Variants in TMEM108 observed in about 807,000 individuals in gnomAD.
The protein encoded by TMEM108 is transmembrane protein 108.
In TMEM108, 12 loss-of-function variants were observed where a neutral mutation model predicts 35.1. The observed-to-expected ratio is 0.34, with a 90% confidence interval of 0.22 to 0.55. The LOEUF (loss-of-function observed/expected upper bound fraction) is 0.55. TMEM108 is among the 20% of genes least tolerant of loss of function. TMEM108 has a pLI of 0.89. For missense variants in TMEM108, 680 were observed against 753.3 expected (o/e 0.90, Z 1.14); for synonymous variants, 287 against 308.6 (o/e 0.93, Z 0.73).
intron 3 of TMEM108, among the ~76,000 whole-genome samples, chr3:133,309,463 A>G (rs898277014): frequency 4.6e-5 from 7 of 151,976 alleles, no homozygotes; most frequent in African/African-American, 1.2e-4. Flanking sequence ...TAGGGTGTCA[A>G]TTTTAGATCT....
chr3:133,097,983 G>C (rs369460354), intron 2 of TMEM108, among the ~76,000 whole-genome samples: 1 of 152,166 alleles, frequency 6.6e-6, no homozygotes, highest in Non-Finnish European at 1.5e-5. Context: ...CTTGTGAGGC[G>C]GTATTACAAA....
At chr3:133,180,540 C>G (rs1185454307) in intron 2 of TMEM108, among the ~76,000 whole-genome samples, 2 of 151,932 alleles carry the variant, frequency 1.3e-5, no homozygotes, top group Non-Finnish European at 2.9e-5. Context: ...AAGCAAATAG[C>G]TTTTCTTTTG....
chr3:133,169,060 C>T (rs770337215), intron 2 of TMEM108, among the ~76,000 whole-genome samples: 5 of 152,180 alleles, frequency 3.3e-5, no homozygotes, highest in Non-Finnish European at 7.3e-5. Flanking sequence ...TAACACTCAC[C>T]GTGAGGGTCT....
intron 3 of TMEM108, among the ~76,000 whole-genome samples, chr3:133,314,391 C>G (rs1358953901): frequency 6.6e-6 from 1 of 152,116 alleles, no homozygotes; most frequent in Admixed American, 6.6e-5. Flanking sequence ...GGATCAGTTG[C>G]CTTCAAAAGC....
At chr3:133,221,817 C>A (rs1014766048) in intron 2 of TMEM108, among the ~76,000 whole-genome samples, 1 of 151,794 alleles carries the variant, frequency 6.6e-6, no homozygotes, top group Non-Finnish European at 1.5e-5. Flanking sequence ...CAATTTTACT[C>A]CACTTCCCTA....
Position 133,380,872 on chromosome 3 carries a change from C to G in TMEM108, c.1161C>G (p.Thr387=), listed in dbSNP as rs1284420499. ...CATCCACAACCCCACAAGCTCCAACCCATCCCTCCAGGGTCTCAGAAAGCA... is the reference window on the plus strand; with the variant it reads ...CATCCACAACCCCACAAGCTCCAACGCATCCCTCCAGGGTCTCAGAAAGCA... ...QGASTTPQAP[T]HPSRVSESTI... The change falls in exon 4 of 6, where the codon ACC becomes ACG. Residue 387 remains threonine (T), a synonymous_variant. Coordinates refer to ENST00000321871, the MANE Select transcript of TMEM108 (RefSeq NM_023943.4). This position sits in a 1 kb window ranked among gnomAD's most constrained non-coding sequence, Gnocchi z 5.3. The G allele has an allele frequency of 6.2e-7, 1 of 1,614,098 alleles. No homozygotes were observed. The highest frequency in any genetic ancestry group is 1.3e-5 in the African/African-American group (1 of 74,948).
At chr3:133,181,634 A>G (rs908969250) in intron 2 of TMEM108, among the ~76,000 whole-genome samples, 1 of 152,180 alleles carries the variant, frequency 6.6e-6, no homozygotes, top group Admixed American at 6.5e-5. Context: ...TTTAAATGGA[A>G]CATATGGGGG....
At chr3:133,064,662 T>C (rs1943574244) in intron 2 of TMEM108, among the ~76,000 whole-genome samples, 3 of 152,010 alleles carry the variant, frequency 2.0e-5, no homozygotes, top group Admixed American at 2.0e-4. Context: ...TTTCAAAACA[T>C]AGTGAAGGAC....
At chr3:133,214,754 A>G (rs540554704) in intron 2 of TMEM108, among the ~76,000 whole-genome samples, 93 of 152,312 alleles carry the variant, frequency 6.1e-4, no homozygotes, top group African/African-American at 2.0e-3. Flanking sequence ...GGTGAGCTGC[A>G]GGTGAGGGAG....
At chr3:133,165,819 CAT>C (rs1945028857) in intron 2 of TMEM108, among the ~76,000 whole-genome samples, 1 of 152,198 alleles carries the variant, frequency 6.6e-6, no homozygotes, top group Non-Finnish European at 1.5e-5. Context: ...GGTCCTAACA[CAT>C]GTGTATTAGA....
rs114364008 is a variant in TMEM108 at position 133,365,347 on chromosome 3, A to G, written c.41-14405A>G. 2.6e-3 allele frequency among the ~76,000 whole-genome samples: 394 copies of G among 152,318 alleles called. 1 individual carries two copies. The highest frequency in any genetic ancestry group is 9.1e-3 in the African/African-American group (378 of 41,568). ...GAAATAGATGCAAGGCCATAAAGCT[A>G]GTGAGTAGATTTATACCTAGTTTTC... On this transcript the variant is annotated intron_variant, in intron 3 of 5. Coordinates refer to ENST00000321871, the MANE Select transcript of TMEM108 (RefSeq NM_023943.4).
chr3:133,089,091 G>C (rs988851860), intron 2 of TMEM108, among the ~76,000 whole-genome samples: 1 of 147,658 alleles, frequency 6.8e-6, no homozygotes, highest in Admixed American at 6.8e-5. Flanking sequence ...TAAACAACCA[G>C]ATCTCACAAA....
intron 5 of TMEM108, among the ~76,000 whole-genome samples, chr3:133,394,426 CCTT>C (rs2107865318): frequency 6.6e-6 from 1 of 152,368 alleles, no homozygotes; most frequent in African/African-American, 2.4e-5. Flanking sequence ...TCCTCCTCCT[CCTT>C]CTCCCTGTTT....
chr3:133,323,229 C>T (rs2071288223), intron 3 of TMEM108, among the ~76,000 whole-genome samples: 1 of 151,940 alleles, frequency 6.6e-6, no homozygotes, highest in East Asian at 1.9e-4. Context: ...TGTTACTGTT[C>T]CCCAATGATA....
intron 2 of TMEM108, among the ~76,000 whole-genome samples, chr3:133,170,706 CT>C (rs993793543): frequency 1.4e-4 from 22 of 151,728 alleles, no homozygotes; most frequent in African/African-American, 5.3e-4. Context: ...AAATACACTG[CT>C]TTTTTTAATG....
At chr3:133,356,871 G>C (rs2072188991) in intron 3 of TMEM108, among the ~76,000 whole-genome samples, 2 of 152,148 alleles carry the variant, frequency 1.3e-5, no homozygotes, top group South Asian at 4.1e-4. Flanking sequence ...AATTCTAGAA[G>C]ATAACGTTGG....
chr3:133,044,207 T>G (rs1456024160), intron 1 of TMEM108, among the ~76,000 whole-genome samples: 1 of 152,256 alleles, frequency 6.6e-6, no homozygotes, highest in Admixed American at 6.5e-5. Flanking sequence ...TTATGTAATG[T>G]CAATTTTCTG....
At chr3:133,047,615 C>T (rs368237606) in intron 2 of TMEM108, among the ~76,000 whole-genome samples, 1 of 152,158 alleles carries the variant, frequency 6.6e-6, no homozygotes, top group African/African-American at 2.4e-5. Context: ...CCAGTATCTC[C>T]CTCCCTGTTT....
chr3:133,254,530 C>T (rs1220825841), intron 3 of TMEM108, among the ~76,000 whole-genome samples: 1 of 151,990 alleles, frequency 6.6e-6, no homozygotes, highest in Non-Finnish European at 1.5e-5. Context: ...TGCATATTAA[C>T]GTCAGTCGAA....
Sources: allele counts gnomAD v4.1 joint callset (sites outside exome capture counted in the v4.1 genomes callset), GRCh38; gene constraint gnomAD v4.1.1; non-coding constraint Gnocchi (gnomAD v3.1); transcripts MANE v1.5; gene names NCBI Gene and HGNC (gene_info 2026-07-23, HGNC 2026-07-21).